PPP1R8: variants seen among roughly 807,000 people sequenced by gnomAD.
PPP1R8 encodes the protein nuclear inhibitor of protein phosphatase 1.
PPP1R8 carries 4 observed loss-of-function variants against 31.3 expected under a neutral mutation model. The ratio of observed to expected loss-of-function variants is 0.13; its 90% confidence interval spans 0.06 to 0.29. The LOEUF is 0.29. Ranked by LOEUF, PPP1R8 falls within the 10% of genes least tolerant of loss-of-function variation. The pLI, the probability that PPP1R8 is intolerant of heterozygous loss-of-function variation, is 1.00. For missense variants in PPP1R8, 254 were observed against 440.1 expected (o/e 0.58, Z 3.78); for synonymous variants, 170 against 169.7 (o/e 1.00, Z -0.01).
In PPP1R8 at chr1:27,850,302, T is replaced by C; in HGVS notation, c.912T>C (p.Thr304=). Residue 304 remains threonine (T), a synonymous_variant, in exon 7 of 7, where the codon ACT becomes ACC. Coordinates refer to ENST00000311772, the MANE Select transcript of PPP1R8 (RefSeq NM_014110.5). ...YPNLAPDVDL[T]PVVPSAVNMN... is the part of the protein sequence containing the mutation. ...ACCTTGCCCCTGATGTGGACTTGAC[T>C]CCTGTTGTGCCGTCAGCAGTGAACA... is the stretch of plus-strand genomic sequence containing the variant. The C allele has an allele frequency of 6.2e-7, 1 of 1,614,224 alleles. No individual in the cohort carries two copies. The highest frequency in any genetic ancestry group is 1.3e-5 in the African/African-American group (1 of 75,060).
intron 4 of PPP1R8, among the ~76,000 whole-genome samples, chr1:27,842,696 A>G (rs1443082489): frequency 6.6e-6 from 1 of 152,226 alleles, no homozygotes; most frequent in Non-Finnish European, 1.5e-5. Flanking sequence ...GCCAAAAATT[A>G]AGTGCACTAG....
intron 2 of PPP1R8, among the ~76,000 whole-genome samples, chr1:27,837,115 G>A (rs1237586701): frequency 6.6e-6 from 1 of 151,472 alleles, no homozygotes; most frequent in Non-Finnish European, 1.5e-5. Context: ...CCTTTTTTCA[G>A]AAGACAGCCA....
chr1:27,839,066 T>A (rs1320823287), intron 3 of PPP1R8, among the ~76,000 whole-genome samples: 1 of 152,104 alleles, frequency 6.6e-6, no homozygotes. Flanking sequence ...CCTGGAGGAA[T>A]CAATAAGCAA....
At chr1:27,837,021 T>C (rs2089173579) in intron 2 of PPP1R8, among the ~76,000 whole-genome samples, 1 of 152,222 alleles carries the variant, frequency 6.6e-6, no homozygotes, top group African/African-American at 2.4e-5. Context: ...TCGGTTTCAC[T>C]AGGCTAAAAG....
intron 5 of PPP1R8, among the ~76,000 whole-genome samples, chr1:27,845,195 G>A (rs1282941923): frequency 2.7e-5 from 4 of 148,420 alleles, no homozygotes; most frequent in Admixed American, 2.7e-4. Context: ...TCAAGACCAT[G>A]CTGGCTAACA....
intron 5 of PPP1R8, among the ~76,000 whole-genome samples, chr1:27,845,605 C>T (rs2089270130): frequency 6.6e-6 from 1 of 151,724 alleles, no homozygotes; most frequent in Non-Finnish European, 1.5e-5. Flanking sequence ...GTTCATTGAG[C>T]ATAGATTGAT....
intron 2 of PPP1R8, chr1:27,834,607 T>C: frequency 2.0e-6 from 1 of 503,496 alleles, no homozygotes; most frequent in Non-Finnish European, 3.9e-6. Context: ...AAGCTACGGC[T>C]TTAGTGACTG....
At chr1:27,847,957 C>G (rs1304560209) in intron 6 of PPP1R8, among the ~76,000 whole-genome samples, 7 of 152,138 alleles carry the variant, frequency 4.6e-5, no homozygotes, top group African/African-American at 1.4e-4. Flanking sequence ...GAGAGAGGCC[C>G]ACCTTCTTTT....
At chr1:27,836,815 T>C (rs912922195) in intron 2 of PPP1R8, among the ~76,000 whole-genome samples, 1 of 150,310 alleles carries the variant, frequency 6.7e-6, no homozygotes, top group Non-Finnish European at 1.5e-5. Context: ...GCCATTCACC[T>C]GAGGTGAGGA....
chr1:27,850,024 A>C (rs2089325311), intron 6 of PPP1R8, 69 bp from the exon 7 acceptor site: 1 of 1,403,262 alleles, frequency 7.1e-7, no homozygotes, highest in Non-Finnish European at 9.6e-7. Context: ...AGAAAAAGCT[A>C]ACCACTCTTG....
intron 2 of PPP1R8, among the ~76,000 whole-genome samples, chr1:27,835,648 C>A (rs1434338979): frequency 6.6e-6 from 1 of 152,170 alleles, no homozygotes; most frequent in Non-Finnish European, 1.5e-5. Context: ...AAGAGTGTGA[C>A]CCACAGTACT....
intron 5 of PPP1R8, among the ~76,000 whole-genome samples, chr1:27,845,884 G>A (rs1405300944): frequency 6.8e-6 from 1 of 146,786 alleles, no homozygotes; most frequent in Non-Finnish European, 1.5e-5. Context: ...CCACCTCCCG[G>A]GTTCACGCCA....
At chr1:27,834,692 T>G in intron 2 of PPP1R8, 1 of 357,690 alleles carries the variant, frequency 2.8e-6, no homozygotes, top group South Asian at 2.1e-5. Context: ...ATTTCCTTGG[T>G]TCTAAGACAT....
At chr1:27,842,605 A>G (rs1451147089) in intron 4 of PPP1R8, among the ~76,000 whole-genome samples, 2 of 152,168 alleles carry the variant, frequency 1.3e-5, no homozygotes, top group African/African-American at 4.8e-5. Flanking sequence ...CAAGCAACAG[A>G]GCTAAGGCCA....
intron 6 of PPP1R8, among the ~76,000 whole-genome samples, chr1:27,849,371 C>CA (rs544902286): frequency 0.015 from 1,128 of 77,156 alleles, 9 homozygotes; most frequent in Middle Eastern, 0.032. Context: ...AACTCTGTCT[C>CA]AAAAAAAAAA....
chr1:27,847,646 G>A (rs903554162), intron 6 of PPP1R8, among the ~76,000 whole-genome samples: 8 of 152,164 alleles, frequency 5.3e-5, no homozygotes, highest in Non-Finnish European at 1.0e-4. Flanking sequence ...TGGGAGAATC[G>A]CTGGAACCGG....
chr1:27,831,316 T>G, intron 1 of PPP1R8: 1 of 995,590 alleles, frequency 1.0e-6, no homozygotes, highest in African/African-American at 1.7e-5. Flanking sequence ...CCCTCTGTGG[T>G]TGCTGCATCC....
intron 5 of PPP1R8, among the ~76,000 whole-genome samples, chr1:27,846,261 T>C (rs914113581): frequency 1.3e-5 from 2 of 152,202 alleles, no homozygotes; most frequent in African/African-American, 4.8e-5. Context: ...ACATTCAACC[T>C]TCAGTGAGAA....
intron 4 of PPP1R8, 111 bp from the exon 5 acceptor site, chr1:27,843,075 T>G (rs928720071): frequency 1.0e-5 from 13 of 1,274,888 alleles, no homozygotes; most frequent in Non-Finnish European, 1.3e-5. Context: ...CAACTCCCTT[T>G]GGAGGTCAAG....
Sources: gnomAD v4.1 joint callset for allele counts (sites outside exome capture counted in the v4.1 genomes callset) on GRCh38, gnomAD v4.1.1 for gene constraint, MANE v1.5 for transcripts, NCBI Gene and HGNC (gene_info 2026-07-23, HGNC 2026-07-21) for gene names.